Variants in PRDM5 observed in about 807,000 individuals in gnomAD.
PRDM5 encodes PR domain zinc finger protein 5.
A neutral mutation model predicts 81.2 loss-of-function variants in PRDM5; 56 were observed. The ratio of observed to expected loss-of-function variants is 0.69; its 90% CI spans 0.56 to 0.86. The LOEUF (loss-of-function observed/expected upper bound fraction) is 0.86. PRDM5 is among the 40% of genes least tolerant of loss of function. PRDM5 has a pLI of 0.00. For synonymous variants in PRDM5, 267 were observed against 256.4 expected, an observed-to-expected ratio of 1.04 and a Z score of -0.39; for missense variants, 697 against 770.1, an observed-to-expected ratio of 0.91 and a Z score of 1.12.
chr4:120,702,778 G>C (rs544062616), intron 15 of PRDM5, among the ~76,000 whole-genome samples: 16 of 152,244 alleles, frequency 1.1e-4, no homozygotes, highest in African/African-American at 3.6e-4. Flanking sequence ...TAATCATAAA[G>C]AAGATCGATT....
intron 2 of PRDM5, among the ~76,000 whole-genome samples, chr4:120,861,012 TTG>T (rs1561521112): frequency 3.9e-5 from 6 of 152,296 alleles, no homozygotes; most frequent in Non-Finnish European, 2.9e-5. Context: ...AGTTATCTCT[TTG>T]TTGTTGTTGT....
At chr4:120,734,674 G>T (rs1192665530) in intron 14 of PRDM5, among the ~76,000 whole-genome samples, 2 of 152,098 alleles carry the variant, frequency 1.3e-5, no homozygotes, top group Non-Finnish European at 1.5e-5. Flanking sequence ...CAGCCTCTTT[G>T]GCTGCTCCTT....
In PRDM5 at chr4:120,755,837, C is replaced by T. The variant is rs141192114; in HGVS notation, c.1538-1199G>A. Among the ~76,000 whole-genome samples, 254 of 152,278 alleles carry T rather than the reference C, an allele frequency of 1.7e-3. 1 individual carries two copies. The highest frequency in any genetic ancestry group is 2.3e-3 in the South Asian group (11 of 4,814). On this transcript the variant is annotated intron_variant, in intron 13 of 15. Coordinates refer to ENST00000264808, the MANE Select transcript of PRDM5 (RefSeq NM_018699.4). ...AGACATCATACGGAAGCACCTGCAG[C>T]GGTGTCCCCTGCCAAGCGACATTTT...
At chr4:120,850,964 T>C (rs1248730927) in intron 3 of PRDM5, among the ~76,000 whole-genome samples, 1 of 152,108 alleles carries the variant, frequency 6.6e-6, no homozygotes, top group African/African-American at 2.4e-5. Flanking sequence ...TGGTGAAAGA[T>C]CAAGGTATAA....
chr4:120,886,827 C>T (rs1763486311), intron 2 of PRDM5, among the ~76,000 whole-genome samples: 1 of 152,092 alleles, frequency 6.6e-6, no homozygotes, highest in Non-Finnish European at 1.5e-5. Context: ...ATAGTCTACC[C>T]CACCTTGTCA....
At chr4:120,818,255 T>TAC in intron 5 of PRDM5, 98 bp downstream of exon 5, 1 of 1,167,042 alleles carries the variant, frequency 8.6e-7, no homozygotes, top group Non-Finnish European at 1.2e-6. Context: ...CGTGCGCGCG[T>TAC]GCACACACAC....
intron 3 of PRDM5, among the ~76,000 whole-genome samples, chr4:120,843,098 G>A (rs1467555206): frequency 2.6e-5 from 4 of 152,016 alleles, no homozygotes; most frequent in African/African-American, 7.3e-5. Flanking sequence ...TTAGGATGCC[G>A]AGGCAGGTGG....
chr4:120,811,505 C>A, intron 7 of PRDM5, 56 bp from the exon 8 acceptor site: 1 of 1,140,680 alleles, frequency 8.8e-7, no homozygotes, highest in South Asian at 1.4e-5. Flanking sequence ...AGAGGAAAAA[C>A]AAATAGTGTT....
intron 14 of PRDM5, among the ~76,000 whole-genome samples, chr4:120,744,579 G>GA (rs1381138577): frequency 1.3e-5 from 2 of 151,940 alleles, no homozygotes; most frequent in African/African-American, 4.8e-5. Context: ...ATAGACGCAA[G>GA]AAAAAATGAT....
intron 13 of PRDM5, among the ~76,000 whole-genome samples, 173 bp downstream of exon 13, chr4:120,777,015 T>C (rs189668187): frequency 6.6e-6 from 1 of 152,312 alleles, no homozygotes; most frequent in African/African-American, 2.4e-5. Flanking sequence ...AATATACTCA[T>C]TCCAAATTCT....
At chr4:120,787,112 A>G (rs1749867434) in intron 10 of PRDM5, among the ~76,000 whole-genome samples, 2 of 152,226 alleles carry the variant, frequency 1.3e-5, no homozygotes, top group Admixed American at 6.6e-5. Context: ...AAGAAAGAAG[A>G]TAACAAACAT....
chr4:120,896,683 ACACAC>A (rs1764653251), intron 2 of PRDM5: 7 of 135,752 alleles, frequency 5.2e-5, no homozygotes, highest in African/African-American at 2.2e-4. Context: ...ACACACACAC[ACACAC>A]ATAATTTTTT....
Position 120,922,620 on chromosome 4 carries a change from C to A in PRDM5, c.-12G>T. 1 of 1,571,548 alleles carries A rather than the reference C, an allele frequency of 6.4e-7. No homozygotes were observed. On this transcript the variant is annotated 5_prime_UTR_variant, in exon 1 of 16. Transcript: ENST00000264808. ...TACATGCCCAGCATTTTCCCGGGCGCGGCGGCCGCCGCCTCTCTCAACACC... is the reference window on the plus strand; with the variant it reads ...TACATGCCCAGCATTTTCCCGGGCGAGGCGGCCGCCGCCTCTCTCAACACC...
intron 14 of PRDM5, among the ~76,000 whole-genome samples, chr4:120,714,539 G>T (rs1019624626): frequency 6.6e-6 from 1 of 151,964 alleles, no homozygotes; most frequent in Admixed American, 6.6e-5. Context: ...TTTCTCATAA[G>T]CAACGCATGT....
chr4:120,917,795 T>G (rs766222379), intron 1 of PRDM5, among the ~76,000 whole-genome samples: 1 of 146,342 alleles, frequency 6.8e-6, no homozygotes, highest in Non-Finnish European at 1.5e-5. Flanking sequence ...TAAACTTATG[T>G]TTTTTTTAAA....
At chr4:120,709,228 C>A (rs1736611190) in intron 15 of PRDM5, among the ~76,000 whole-genome samples, 1 of 152,104 alleles carries the variant, frequency 6.6e-6, no homozygotes, top group Admixed American at 6.6e-5. Context: ...TACAATTAAA[C>A]CATCTAAATA....
chr4:120,854,103 G>A (rs922007090), intron 2 of PRDM5, among the ~76,000 whole-genome samples: 8 of 152,058 alleles, frequency 5.3e-5, no homozygotes, highest in Admixed American at 5.2e-4. Context: ...TCCTTTCATG[G>A]CCCACTCATG....
rs148079992 is a variant in PRDM5, at chr4:120,798,342, G to T, written c.1113C>A (p.Ser371Arg). ...DQVGAHKVIH[S>R]EDKPYKCKLC... ...GTTTGCATTTGTAAGGTTTGTCTTC[G>T]CTGTGTATTACTTTGTGAGCACCCA... is the stretch of plus-strand genomic sequence containing the variant. Residue 371 changes from serine (S) to arginine (R), a missense_variant, in exon 10 of 16, where the codon AGC becomes AGA. Around this residue, in one of 3 missense-constraint regions of PRDM5, gnomAD observed 577 missense variants for 606.7 expected, o/e 0.95. Coordinates refer to ENST00000264808, the MANE Select transcript of PRDM5 (RefSeq NM_018699.4). The T allele has an allele frequency of 3.5e-4, 571 of 1,612,540 alleles. No individual in the cohort carries two copies. The highest frequency in any genetic ancestry group is 9.9e-4 in the Middle Eastern group (6 of 6,072).
intron 14 of PRDM5, among the ~76,000 whole-genome samples, chr4:120,711,922 C>T (rs1166231480): frequency 6.6e-6 from 1 of 152,090 alleles, no homozygotes. Flanking sequence ...CAAAAAGTTT[C>T]GTTCAGATTT....
Sources: allele counts gnomAD v4.1 joint callset (sites outside exome capture counted in the v4.1 genomes callset), GRCh38; gene constraint gnomAD v4.1.1; regional missense constraint gnomAD v4.1.1; transcripts MANE v1.5; gene names NCBI Gene and HGNC (gene_info 2026-07-23, HGNC 2026-07-21).